The following USP34 variants were observed in gnomAD, a reference collection of about 807,000 sequenced individuals.
USP34 encodes ubiquitin carboxyl-terminal hydrolase 34.
USP34 carries 70 observed loss-of-function variants against 460.3 expected under a neutral mutation model. The observed-to-expected ratio is 0.15, with a 90% CI of 0.13 to 0.19. The LOEUF (loss-of-function observed/expected upper bound fraction) is 0.19. Among genes scored for constraint, USP34 ranks in the 10% least tolerant of loss-of-function variants. The pLI is 1.00. For synonymous variants in USP34, 1,647 were observed against 1,405.3 expected (o/e 1.17, Z -3.85); for missense variants, 3,985 against 4,236.2 (o/e 0.94, Z 1.65).
rs530047345 is a variant in USP34, at chr2:61,465,989, AAT to A, written c.43+4659_43+4660del. Among the ~76,000 whole-genome samples, 4 of 152,198 alleles carry A rather than the reference AAT, an allele frequency of 2.6e-5. No individual in the cohort carries two copies. The South Asian group carries it at 8.3e-4, about 32-fold the overall frequency. On this transcript the variant is annotated intron_variant, in intron 1 of 79. Transcript: ENST00000398571. ...AAGACTCTGTCTCAAAAAAAAATAA[AAT>A]AAAATAAACAAAAACACAACAAAAT...
intron 8 of USP34, among the ~76,000 whole-genome samples, chr2:61,372,728 A>AC (rs1692666384): frequency 6.6e-6 from 1 of 152,096 alleles, no homozygotes; most frequent in Admixed American, 6.6e-5. Context: ...TAAAGGGGAG[A>AC]CCCAGGGACT....
chr2:61,204,331 T>A lies in USP34; in HGVS notation c.9309A>T (p.Gly3103=). The A allele has an allele frequency of 6.2e-7, 1 of 1,614,184 alleles. No homozygotes were observed. The highest frequency in any genetic ancestry group is 8.5e-7 in the Non-Finnish European group (1 of 1,180,018). The change falls in exon 74 of 80, where the codon GGA becomes GGT. Residue 3103 remains glycine, a synonymous_variant. Transcript: ENST00000398571. ...GCGGAGGCCGAATATTGCTTTTCCC[T>A]CCTATTAGCTTGATATTTTCTCGAC... The part of the protein sequence containing the change: ...FPCRENIKLI[G]GKSNIRPPRP...
chr2:61,223,019 A>C, intron 64 of USP34, 41 bp downstream of exon 64: 6 of 1,542,864 alleles, frequency 3.9e-6, no homozygotes, highest in Middle Eastern at 1.7e-4. Flanking sequence ...ATTCTTTTTT[A>C]AAATTTCCAA....
chr2:61,317,432 C>T (rs1690783837), intron 23 of USP34, among the ~76,000 whole-genome samples: 1 of 152,108 alleles, frequency 6.6e-6, no homozygotes, highest in African/African-American at 2.4e-5. Flanking sequence ...GGGGCTGAGG[C>T]TAGAGAATCT....
At chr2:61,294,468 G>C (rs1040521841) in intron 32 of USP34, among the ~76,000 whole-genome samples, 2 of 152,020 alleles carry the variant, frequency 1.3e-5, no homozygotes, top group Non-Finnish European at 2.9e-5. Context: ...GCCCAGGCTG[G>C]AGTGCTGTGG....
At chr2:61,331,488 C>T (rs865785034) in intron 19 of USP34, 117 bp from the exon 20 acceptor site, 20 of 678,352 alleles carry the variant, frequency 2.9e-5, no homozygotes, top group Admixed American at 7.5e-5. Flanking sequence ...ATTTTAGTTA[C>T]GAAAAATATA....
At chr2:61,201,488 C>T (rs1686975561) in intron 75 of USP34, among the ~76,000 whole-genome samples, 1 of 152,148 alleles carries the variant, frequency 6.6e-6, no homozygotes, top group Non-Finnish European at 1.5e-5. Flanking sequence ...GCTGGGATTA[C>T]AAGCGTGAGC....
intron 27 of USP34, among the ~76,000 whole-genome samples, chr2:61,310,381 T>C (rs182557443): frequency 1.7e-4 from 26 of 152,220 alleles, no homozygotes; most frequent in Admixed American, 1.6e-3. Context: ...ATCAAGTTAT[T>C]ACTATATAGT....
At chr2:61,406,234 T>C in intron 2 of USP34, 106 bp from the exon 3 acceptor site, 1 of 1,059,804 alleles carries the variant, frequency 9.4e-7, no homozygotes, top group South Asian at 1.9e-5. Context: ...CTAGACTTGT[T>C]TTTATTTTTT....
At chr2:61,201,244 T>C (rs1686968277) in intron 75 of USP34, among the ~76,000 whole-genome samples, 1 of 137,270 alleles carries the variant, frequency 7.3e-6, no homozygotes, top group Non-Finnish European at 1.5e-5. Flanking sequence ...TGAGACTGGG[T>C]CTCGCTTAGT....
chr2:61,358,618 C>A (rs1692178844), intron 10 of USP34, among the ~76,000 whole-genome samples: 1 of 152,060 alleles, frequency 6.6e-6, no homozygotes, highest in Non-Finnish European at 1.5e-5. Flanking sequence ...GAACTACTAG[C>A]CAGAGCTACT....
intron 12 of USP34, 22 bp downstream of exon 12, chr2:61,350,238 C>T (rs1691906063): frequency 6.3e-7 from 1 of 1,575,524 alleles, no homozygotes; most frequent in African/African-American, 1.4e-5. Flanking sequence ...CAATTTACTT[C>T]AAAATACATG....
chr2:61,383,244 G>A (rs767570880), intron 6 of USP34, 25 bp downstream of exon 6: 1 of 1,530,548 alleles, frequency 6.5e-7, no homozygotes, highest in Non-Finnish European at 8.9e-7. Flanking sequence ...TGATAATCGG[G>A]GGTAAAGAAA....
intron 18 of USP34, among the ~76,000 whole-genome samples, chr2:61,336,075 G>A (rs761967522): frequency 6.6e-6 from 1 of 151,740 alleles, no homozygotes; most frequent in African/African-American, 2.4e-5. Flanking sequence ...AAAAGTTAAC[G>A]TGAAATGCCA....
chr2:61,416,978 T>C (rs1694215591), intron 2 of USP34: 6 of 1,304,298 alleles, frequency 4.6e-6, no homozygotes, highest in Non-Finnish European at 5.5e-6. Flanking sequence ...TCAGCCACCA[T>C]ATCTTCAAAT....
intron 1 of USP34, among the ~76,000 whole-genome samples, chr2:61,462,869 A>G (rs918367893): frequency 6.6e-6 from 1 of 151,718 alleles, no homozygotes; most frequent in Non-Finnish European, 1.5e-5. Context: ...CCCAAAAAAA[A>G]AAAAAAAAAG....
chr2:61,249,206 T>G (rs1252046015), intron 48 of USP34, among the ~76,000 whole-genome samples: 2 of 152,232 alleles, frequency 1.3e-5, no homozygotes, highest in African/African-American at 4.8e-5. Flanking sequence ...TTTTACAGCT[T>G]CTCTTTGGCA....
intron 48 of USP34, among the ~76,000 whole-genome samples, chr2:61,249,580 A>C (rs1446147758): frequency 6.6e-6 from 1 of 152,142 alleles, no homozygotes; most frequent in Non-Finnish European, 1.5e-5. Context: ...TCTTATTAAA[A>C]CTATACAGTC....
At chr2:61,401,016 G>C (rs114175312) in intron 3 of USP34, among the ~76,000 whole-genome samples, 1,815 of 151,660 alleles carry the variant, frequency 0.012, 43 homozygotes, top group African/African-American at 0.042. Flanking sequence ...TGGGCATTTT[G>C]GGTGCGCGCC....
Sources: allele counts gnomAD v4.1 joint callset (sites outside exome capture counted in the v4.1 genomes callset), GRCh38; gene constraint gnomAD v4.1.1; transcripts MANE v1.5; gene names NCBI Gene and HGNC (gene_info 2026-07-23, HGNC 2026-07-21).